SLC12A8: variants seen among roughly 807,000 people sequenced by gnomAD.
SLC12A8 encodes the protein cation-chloride cotransporter 9.
SLC12A8 carries 69 observed loss-of-function variants against 75.6 expected under a neutral mutation model. The ratio of observed to expected loss-of-function variants is 0.91; its 90% confidence interval spans 0.75 to 1.11. The LOEUF (loss-of-function observed/expected upper bound fraction) is 1.11, where lower values mean the gene tolerates loss of function less well. Ranked by LOEUF, SLC12A8 falls within the 50% of genes most tolerant of loss-of-function variation. SLC12A8 has a pLI of 0.00. For synonymous variants in SLC12A8, 365 were observed against 372.8 expected (o/e 0.98, Z 0.24); for missense variants, 877 against 896.7 (o/e 0.98, Z 0.28).
intron 5 of SLC12A8, among the ~76,000 whole-genome samples, chr3:125,155,621 A>ATTAGCTGGGTGTG (rs578023995): frequency 2.5e-5 from 3 of 120,834 alleles, no homozygotes; most frequent in South Asian, 3.1e-4. Context: ...AATACAAAAA[A>ATTAGCTGGGTGTG]GTAGCTGTAG....
rs369525583 is a variant in SLC12A8 at position 125,130,828 on chromosome 3, G to A, written c.736+4841C>T. Reference sequence around the variant, plus strand: ...ATCCTCTCTCTTAGGAAAGCCAGCCGTGGGAGCAGAGTGGAGGGGCACATC... The same window carrying A: ...ATCCTCTCTCTTAGGAAAGCCAGCCATGGGAGCAGAGTGGAGGGGCACATC... On this transcript the variant is annotated intron_variant, in intron 6 of 13. Transcript: ENST00000469902. 1.1e-4 allele frequency among the ~76,000 whole-genome samples: 17 copies of A among 152,294 alleles called. 1 individual carries two copies. The highest frequency in any genetic ancestry group is 2.1e-4 in the South Asian group (1 of 4,816).
chr3:125,168,082 C>A (rs1410139594), intron 5 of SLC12A8, among the ~76,000 whole-genome samples: 2 of 152,100 alleles, frequency 1.3e-5, no homozygotes, highest in African/African-American at 4.8e-5. Flanking sequence ...TGGGGACAAC[C>A]AAAGGGAAGA....
intron 5 of SLC12A8, among the ~76,000 whole-genome samples, chr3:125,162,879 C>CATG (rs1934204692): frequency 6.6e-6 from 1 of 151,936 alleles, no homozygotes; most frequent in Non-Finnish European, 1.5e-5. Context: ...ACCAAGGGTC[C>CATG]AGCTAGGGAT....
At chr3:125,151,508 A>G (rs935168045) in intron 5 of SLC12A8, 19 of 154,212 alleles carry the variant, frequency 1.2e-4, no homozygotes, top group African/African-American at 4.6e-4. Context: ...GTTTGGGCTC[A>G]TCATGTTGTC....
At chr3:125,172,551 ACT>A (rs2107784894) in intron 5 of SLC12A8, among the ~76,000 whole-genome samples, 1 of 152,280 alleles carries the variant, frequency 6.6e-6, no homozygotes, top group Admixed American at 6.5e-5. Context: ...CTCACCAGAG[ACT>A]CTGATCCAGG....
At chr3:125,092,292 T>G (rs2107732673) in intron 10 of SLC12A8, 94 bp from the exon 11 acceptor site, 2 of 797,564 alleles carry the variant, frequency 2.5e-6, no homozygotes, top group South Asian at 3.2e-5. Context: ...TCCCCAATTT[T>G]GTAACTTAGC....
chr3:125,141,686 C>T (rs1179274728), intron 5 of SLC12A8, among the ~76,000 whole-genome samples: 2 of 136,358 alleles, frequency 1.5e-5, no homozygotes, highest in Non-Finnish European at 3.3e-5. Context: ...CTGCGGGCTG[C>T]GGGCTGCGGG....
chr3:125,083,090 G>T lies in SLC12A8; in HGVS notation c.*800C>A, dbSNP rs368919047. The stretch of plus-strand genomic sequence containing the variant: ...AGAATAGTGGTTACCTCTAGGCCAG[G>T]GTAGACAGGAACTGAGCAGGTGGAG... On this transcript the variant is annotated 3_prime_UTR_variant, in exon 14 of 14. Coordinates refer to ENST00000469902, the MANE Select transcript of SLC12A8 (RefSeq NM_024628.6). The T allele has an allele frequency of 2.0e-5, 3 of 152,288 alleles. No homozygotes were observed. The highest frequency in any genetic ancestry group is 1.9e-4 in the East Asian group (1 of 5,186). The allele number at this position is 152,288 out of a possible 1,614,324, so 9.4% of individuals were successfully genotyped here. A position where few individuals can be genotyped will look rare whatever the true frequency, so the allele number is the denominator to read the frequency against.
At chr3:125,189,670 T>G (rs556969978) in intron 3 of SLC12A8, among the ~76,000 whole-genome samples, 1 of 152,226 alleles carries the variant, frequency 6.6e-6, no homozygotes, top group Non-Finnish European at 1.5e-5. Context: ...CAGGTGCTCA[T>G]CCATGTTTAG....
chr3:125,172,724 C>A (rs1934431634), intron 5 of SLC12A8, among the ~76,000 whole-genome samples: 2 of 152,204 alleles, frequency 1.3e-5, no homozygotes, highest in Admixed American at 1.3e-4. Context: ...AGTGGAGAAA[C>A]TGAGTGAAGG....
chr3:125,158,684 C>A (rs1033390579), intron 5 of SLC12A8, among the ~76,000 whole-genome samples: 2 of 152,260 alleles, frequency 1.3e-5, no homozygotes, highest in Non-Finnish European at 2.9e-5. Context: ...GTTTGCAAAT[C>A]CTCAAAAGTC....
chr3:125,093,178 CAAT>C (rs1938628398), intron 10 of SLC12A8, among the ~76,000 whole-genome samples: 1 of 152,178 alleles, frequency 6.6e-6, no homozygotes, highest in South Asian at 2.1e-4. Flanking sequence ...ATGAACACCA[CAAT>C]AATGTTTCAA....
chr3:125,148,790 C>A (rs938226), intron 5 of SLC12A8, among the ~76,000 whole-genome samples: 2 of 152,052 alleles, frequency 1.3e-5, no homozygotes, highest in Admixed American at 1.3e-4. Flanking sequence ...GGGCACATAT[C>A]CCACTTTGTG....
At chr3:125,121,625 A>G (rs1933063395) in intron 6 of SLC12A8, among the ~76,000 whole-genome samples, 1 of 152,238 alleles carries the variant, frequency 6.6e-6, no homozygotes, top group African/African-American at 2.4e-5. Context: ...ACCTCATCAG[A>G]AAGGTAGAAT....
At chr3:125,123,600 A>C (rs1399570434) in intron 6 of SLC12A8, 1 of 152,202 alleles carries the variant, frequency 6.6e-6, no homozygotes, top group East Asian at 1.9e-4. Flanking sequence ...CACGTCTTGC[A>C]TGGCAGCAGG....
intron 10 of SLC12A8, among the ~76,000 whole-genome samples, chr3:125,093,663 T>C (rs1938640630): frequency 6.6e-6 from 1 of 152,212 alleles, no homozygotes; most frequent in Non-Finnish European, 1.5e-5. Context: ...TCATTTGTAG[T>C]TGTATACTTA....
chr3:125,178,083 G>A (rs1052169336), intron 4 of SLC12A8, 109 bp from the exon 5 acceptor site: 3 of 878,926 alleles, frequency 3.4e-6, no homozygotes, highest in South Asian at 1.6e-5. Context: ...ACACTCACTG[G>A]CACCAAGGCA....
chr3:125,127,929 T>C (rs1018113823), intron 6 of SLC12A8, among the ~76,000 whole-genome samples: 5 of 152,076 alleles, frequency 3.3e-5, no homozygotes, highest in Non-Finnish European at 7.3e-5. Flanking sequence ...CAGATTGGAG[T>C]GCAGTGGTGT....
chr3:125,180,562 G>A (rs1394411614), intron 4 of SLC12A8, among the ~76,000 whole-genome samples: 1 of 152,100 alleles, frequency 6.6e-6, no homozygotes, highest in Non-Finnish European at 1.5e-5. Context: ...ACGGTGGTGT[G>A]CACCTGTAGT....
Sources: allele counts gnomAD v4.1 joint callset (sites outside exome capture counted in the v4.1 genomes callset), GRCh38; gene constraint gnomAD v4.1.1; transcripts MANE v1.5; gene names NCBI Gene and HGNC (gene_info 2026-07-23, HGNC 2026-07-21).